The following CPA6 variants were observed in gnomAD, a reference collection of about 807,000 sequenced individuals.
CPA6 encodes the protein carboxypeptidase A6, also known as carboxypeptidase B.
A neutral mutation model predicts 63.3 loss-of-function variants in CPA6; 58 were observed. The observed-to-expected ratio is 0.92, with a 90% CI of 0.74 to 1.14. CPA6 has a LOEUF of 1.14. Ranked by LOEUF, CPA6 falls within the 50% of genes most tolerant of loss-of-function variation. CPA6 has a pLI of 0.00. For synonymous variants in CPA6, 185 were observed against 179.0 expected, an observed-to-expected ratio of 1.03 and a Z score of -0.27; for missense variants, 565 against 526.6, an observed-to-expected ratio of 1.07 and a Z score of -0.71.
At chr8:67,559,037 G>A (rs1037615511) in intron 2 of CPA6, among the ~76,000 whole-genome samples, 12 of 152,058 alleles carry the variant, frequency 7.9e-5, no homozygotes, top group African/African-American at 2.9e-4. Flanking sequence ...TTCAAAATAC[G>A]TCTTGGGGCC....
At chr8:67,603,800 T>A (rs554780244) in intron 2 of CPA6, among the ~76,000 whole-genome samples, 80 of 152,354 alleles carry the variant, frequency 5.3e-4, no homozygotes, top group African/African-American at 1.8e-3. Flanking sequence ...TAACCCCAGA[T>A]CAAACTAAAA....
intron 1 of CPA6, among the ~76,000 whole-genome samples, chr8:67,714,435 G>C (rs1212558101): frequency 6.6e-6 from 1 of 152,182 alleles, no homozygotes; most frequent in Non-Finnish European, 1.5e-5. Flanking sequence ...CAGGCATAAC[G>C]TTTAAAGCTT....
At chr8:67,565,400 TA>T (rs1362318111) in intron 2 of CPA6, among the ~76,000 whole-genome samples, 1 of 152,182 alleles carries the variant, frequency 6.6e-6, no homozygotes, top group African/African-American at 2.4e-5. Context: ...AGAGCATGGT[TA>T]TTTCTGAAAA....
intron 2 of CPA6, among the ~76,000 whole-genome samples, chr8:67,562,020 A>T (rs1186183165): frequency 6.6e-6 from 1 of 152,208 alleles, no homozygotes; most frequent in Non-Finnish European, 1.5e-5. Flanking sequence ...ACGTGAGCCC[A>T]TGAGAATTTA....
chr8:67,659,386 T>C (rs572714685), intron 1 of CPA6, among the ~76,000 whole-genome samples: 1 of 152,350 alleles, frequency 6.6e-6, no homozygotes, highest in African/African-American at 2.4e-5. Flanking sequence ...AACTCAGCAC[T>C]ACACGTAAAG....
rs148239522 is a variant in CPA6 at position 67,638,745 on chromosome 8, T to C, written c.117-14494A>G. ...AGGACCAATCCATGGTCCTTTAGAG[T>C]TTCCCATGAAAACTGTTGAGATGAC... On this transcript the variant is annotated intron_variant, in intron 1 of 10. Coordinates refer to ENST00000297770, the MANE Select transcript of CPA6 (RefSeq NM_020361.5). 6.1e-3 allele frequency among the ~76,000 whole-genome samples: 922 copies of C among 151,582 alleles called. 53 individuals are homozygous for C. The highest frequency in any genetic ancestry group is 0.021 in the African/African-American group (861 of 40,916).
chr8:67,520,522 G>C (rs1015388712), intron 2 of CPA6, among the ~76,000 whole-genome samples: 2 of 152,176 alleles, frequency 1.3e-5, no homozygotes, highest in Non-Finnish European at 2.9e-5. Context: ...TTAAGGAAAG[G>C]GTATTTGAAT....
At chr8:67,441,586 C>A (rs996276211) in intron 8 of CPA6, among the ~76,000 whole-genome samples, 2 of 152,032 alleles carry the variant, frequency 1.3e-5, no homozygotes, top group Non-Finnish European at 2.9e-5. Context: ...TTAAAACATA[C>A]ATAGGTATAA....
At chr8:67,548,420 ATTT>A (rs377433339) in intron 2 of CPA6, among the ~76,000 whole-genome samples, 1 of 150,386 alleles carries the variant, frequency 6.6e-6, no homozygotes, top group Non-Finnish European at 1.5e-5. Context: ...CCTGGCTAAT[ATTT>A]TTTTTGTATT....
At chr8:67,690,093 A>G (rs1816785706) in intron 1 of CPA6, among the ~76,000 whole-genome samples, 1 of 152,086 alleles carries the variant, frequency 6.6e-6, no homozygotes, top group Non-Finnish European at 1.5e-5. Context: ...ATGTCTGTGT[A>G]TGTCTTTTGC....
intron 1 of CPA6, among the ~76,000 whole-genome samples, chr8:67,681,200 CTTTTTTT>C (rs1007305743): frequency 1.1e-5 from 1 of 89,896 alleles, no homozygotes. Flanking sequence ...CAAAGATTTT[CTTTTTTT>C]TTTTTTTTTT....
intron 9 of CPA6, among the ~76,000 whole-genome samples, chr8:67,428,403 A>G (rs571893302): frequency 6.6e-6 from 1 of 152,018 alleles, no homozygotes; most frequent in East Asian, 1.9e-4. Context: ...TTAAATGGGT[A>G]CGCAGAATGG....
intron 2 of CPA6, among the ~76,000 whole-genome samples, chr8:67,596,482 C>T (rs370984618): frequency 5.8e-4 from 88 of 151,212 alleles, no homozygotes; most frequent in African/African-American, 1.9e-3. Flanking sequence ...TAAACATTTT[C>T]TGTCATTGCC....
intron 2 of CPA6, among the ~76,000 whole-genome samples, chr8:67,572,466 T>A (rs1813509975): frequency 6.6e-6 from 1 of 152,210 alleles, no homozygotes; most frequent in Non-Finnish European, 1.5e-5. Flanking sequence ...TGTGCCCATG[T>A]CTGCTTTTCC....
chr8:67,558,608 TTGGATGAACCATTCA>T (rs1563999863), intron 2 of CPA6, among the ~76,000 whole-genome samples: 1 of 152,228 alleles, frequency 6.6e-6, no homozygotes, highest in Non-Finnish European at 1.5e-5. Context: ...ACAGTTTTCA[TTGGATGAACCATTCA>T]TGCATTACAG....
intron 1 of CPA6, among the ~76,000 whole-genome samples, chr8:67,741,997 A>G (rs1474601503): frequency 1.3e-5 from 2 of 152,158 alleles, no homozygotes; most frequent in East Asian, 1.9e-4. Flanking sequence ...TGTGTAGGCA[A>G]TTTTCTCTAC....
At chr8:67,704,724 A>G (rs1014240254) in intron 1 of CPA6, among the ~76,000 whole-genome samples, 4 of 152,226 alleles carry the variant, frequency 2.6e-5, no homozygotes, top group Admixed American at 2.6e-4. Context: ...AGACTGGTTC[A>G]TTCTAGAACC....
intron 6 of CPA6, among the ~76,000 whole-genome samples, chr8:67,503,825 T>G (rs1811877043): frequency 6.6e-6 from 1 of 152,154 alleles, no homozygotes. Context: ...CACGGTGGTT[T>G]GCTGTGCCTA....
At chr8:67,559,632 G>A (rs1249714742) in intron 2 of CPA6, among the ~76,000 whole-genome samples, 2 of 152,090 alleles carry the variant, frequency 1.3e-5, no homozygotes, top group Non-Finnish European at 2.9e-5. Context: ...TTTTGCATGT[G>A]TGAAGAAACA....
Sources: allele counts gnomAD v4.1 joint callset (sites outside exome capture counted in the v4.1 genomes callset), GRCh38; gene constraint gnomAD v4.1.1; transcripts MANE v1.5; gene names NCBI Gene and HGNC (gene_info 2026-07-23, HGNC 2026-07-21).